Variants in SLC22A23 observed in about 807,000 individuals in gnomAD.
SLC22A23 encodes the protein ion transporter protein.
In SLC22A23, 26 loss-of-function variants were observed where a neutral mutation model predicts 61.0. The observed-to-expected ratio is 0.43, with a 90% CI of 0.31 to 0.59. The LOEUF (loss-of-function observed/expected upper bound fraction) is 0.59. Ranked by LOEUF, SLC22A23 falls within the 20% of genes least tolerant of loss-of-function variation. The pLI is 0.11. For missense variants in SLC22A23, 796 were observed against 934.7 expected, an observed-to-expected ratio of 0.85 and a Z score of 1.94; for synonymous variants, 430 against 413.9, an observed-to-expected ratio of 1.04 and a Z score of -0.47.
intron 1 of SLC22A23, among the ~76,000 whole-genome samples, chr6:3,422,296 ACTT>A (rs755330790): frequency 3.0e-4 from 46 of 152,074 alleles, no homozygotes; most frequent in Non-Finnish European, 4.7e-4. Flanking sequence ...GGTGCTCTGC[ACTT>A]CTTAACTGCA....
intron 1 of SLC22A23, among the ~76,000 whole-genome samples, chr6:3,450,431 C>T (rs1195106211): frequency 6.6e-6 from 1 of 152,114 alleles, no homozygotes; most frequent in Non-Finnish European, 1.5e-5. Context: ...CTCAGCCTCC[C>T]GAGTAGCTGG....
intron 1 of SLC22A23, among the ~76,000 whole-genome samples, chr6:3,452,773 T>C (rs1772218323): frequency 6.6e-6 from 1 of 152,208 alleles, no homozygotes; most frequent in Admixed American, 6.5e-5. Context: ...TTGCAGATTC[T>C]GCGATGCAAA....
intron 4 of SLC22A23, among the ~76,000 whole-genome samples, chr6:3,303,918 G>A (rs909735476): frequency 6.6e-5 from 10 of 152,332 alleles, no homozygotes; most frequent in Middle Eastern, 3.4e-3. Flanking sequence ...TACATTTAAT[G>A]TAGCACAACA....
chr6:3,418,043 T>C (rs1297765225), intron 1 of SLC22A23, among the ~76,000 whole-genome samples: 1 of 152,232 alleles, frequency 6.6e-6, no homozygotes, highest in Non-Finnish European at 1.5e-5. Context: ...GCTTCATAAA[T>C]CACAGTGGGT....
chr6:3,290,151 CAG>C, intron 5 of SLC22A23: 1 of 492,044 alleles, frequency 2.0e-6, no homozygotes, highest in Admixed American at 3.3e-5. Context: ...TGGAACCAGT[CAG>C]AGTGCACACA....
chr6:3,415,424 G>A (rs565001290), intron 2 of SLC22A23, among the ~76,000 whole-genome samples: 33 of 152,156 alleles, frequency 2.2e-4, no homozygotes, highest in Admixed American at 1.2e-3. Context: ...GCCCCTTAGT[G>A]CATCCACCTC....
chr6:3,422,670 G>C (rs1284428153), intron 1 of SLC22A23, among the ~76,000 whole-genome samples: 4 of 152,140 alleles, frequency 2.6e-5, no homozygotes, highest in Admixed American at 2.0e-4. Flanking sequence ...AAGCTTCCTT[G>C]AATGACATAA....
rs1762203528 is a variant in SLC22A23, at chr6:3,309,246, A to C, written c.1083-11028T>G. On this transcript the variant is annotated intron_variant, in intron 4 of 9. Transcript: ENST00000406686. This position sits in a 1 kb window ranked among gnomAD's most constrained non-coding sequence, Gnocchi z 4.7. ...AACCCGGGAGGTTTGCAGTGGACCA[A>C]GGTCGTGCCGCTGCACTCTAGCCTG... Among the ~76,000 whole-genome samples, 1 of 152,146 alleles carries C rather than the reference A, an allele frequency of 6.6e-6. No homozygotes were observed. The highest frequency in any genetic ancestry group is 1.9e-4 in the East Asian group (1 of 5,198).
rs999722610 is a variant in SLC22A23, at chr6:3,283,027, A to C, written c.1703+825T>G. 5.3e-5 allele frequency among the ~76,000 whole-genome samples: 8 copies of C among 152,320 alleles called. No homozygotes were observed. In the South Asian group the frequency reaches 8.3e-4, roughly 16 times the overall value. ...CTGTGCTGCTGTGTTTTCTGGGCCT[A>C]GTGTCTGGCGCGCAGTGGGCTCTCC... On this transcript the variant is annotated intron_variant, in intron 9 of 9. Transcript: ENST00000406686.
intron 3 of SLC22A23, among the ~76,000 whole-genome samples, chr6:3,407,270 CCTAGGCA>C (rs1280526666): frequency 6.6e-6 from 1 of 152,204 alleles, no homozygotes; most frequent in Non-Finnish European, 1.5e-5. Context: ...CCAAGCATTA[CCTAGGCA>C]TAAATACTAC....
At position 3,287,088 on chromosome 6, in the gene SLC22A23, C is replaced by G. The variant is rs1194733490; in HGVS notation, c.1317G>C (p.Leu439=). 1 of 1,614,024 alleles carries G rather than the reference C, an allele frequency of 6.2e-7. No individual in the cohort carries two copies. Among genetic ancestry groups the G allele is most frequent in the Admixed American group, 1.7e-5 (1 of 60,020 alleles). The part of the protein sequence containing the change: ...KNIVVLCVNS[L]TGYGIHHCFA... ...AGCAGTGGTGGATCCCGTACCCCGT[C>G]AGCCTGTGGAGACATACCGAGCGGC... Residue 439 remains leucine (L), a synonymous_variant, in exon 7 of 10, where the codon CTG becomes CTC. Coordinates refer to ENST00000406686, the MANE Select transcript of SLC22A23 (RefSeq NM_015482.2).
chr6:3,415,983 C>A (rs1318562229), intron 1 of SLC22A23, 128 bp from the exon 2 acceptor site: 8 of 618,274 alleles, frequency 1.3e-5, no homozygotes, highest in Non-Finnish European at 2.3e-5. Context: ...GCCATATACA[C>A]CAGTCAGAGT....
At chr6:3,298,266 G>A in intron 4 of SLC22A23, 48 bp from the exon 5 acceptor site, 2 of 1,554,730 alleles carry the variant, frequency 1.3e-6, no homozygotes, top group Non-Finnish European at 1.7e-6. Flanking sequence ...ATTCTGCACG[G>A]CACCGGGAAG....
intron 3 of SLC22A23, among the ~76,000 whole-genome samples, chr6:3,332,118 A>G (rs1435350831): frequency 6.6e-6 from 1 of 152,358 alleles, no homozygotes; most frequent in East Asian, 1.9e-4. Flanking sequence ...GCATGTGGCC[A>G]AACAGCCGAG....
intron 3 of SLC22A23, among the ~76,000 whole-genome samples, chr6:3,401,461 T>C (rs1220954768): frequency 2.0e-5 from 3 of 152,208 alleles, no homozygotes; most frequent in Admixed American, 6.5e-5. Flanking sequence ...ATACTTGGCA[T>C]AGGACAAGAC....
intron 5 of SLC22A23, chr6:3,291,061 GT>G (rs1760542443): frequency 6.6e-6 from 1 of 152,272 alleles, no homozygotes; most frequent in Non-Finnish European, 1.5e-5. Flanking sequence ...AAAGGCTGGG[GT>G]TTGGTGAATG....
chr6:3,273,511 C>CT, intron 9 of SLC22A23, 99 bp from the exon 10 acceptor site: 1 of 1,334,614 alleles, frequency 7.5e-7, no homozygotes, highest in Non-Finnish European at 1.0e-6. Flanking sequence ...TGCAGGGGCC[C>CT]TGCTGCCCTG....
rs1346154861 is a variant in SLC22A23, at chr6:3,271,934, C to G, written c.*1121G>C. ...GGAATCTCCGCTCCCTGCCCGAAGC[C>G]CCACCTCTGTGCTATGCGAGTGACT... is the stretch of plus-strand genomic sequence containing the variant. On this transcript the variant is annotated 3_prime_UTR_variant, in exon 10 of 10. Coordinates refer to ENST00000406686, the MANE Select transcript of SLC22A23 (RefSeq NM_015482.2). 6.6e-6 allele frequency: 1 copy of G among 152,382 alleles called. No individual in the cohort carries two copies. The highest frequency in any genetic ancestry group is 2.4e-5 in the African/African-American group (1 of 41,438). The allele number at this position is 152,382 out of a possible 1,614,324, so 9.4% of individuals were successfully genotyped here.
intron 1 of SLC22A23, among the ~76,000 whole-genome samples, chr6:3,439,077 G>C (rs1439338828): frequency 6.7e-6 from 1 of 149,924 alleles, no homozygotes; most frequent in Non-Finnish European, 1.5e-5. Context: ...GGCCGGATCT[G>C]ACCGGGGTTT....
Sources: allele counts gnomAD v4.1 joint callset (sites outside exome capture counted in the v4.1 genomes callset), GRCh38; gene constraint gnomAD v4.1.1; non-coding constraint Gnocchi (gnomAD v3.1); transcripts MANE v1.5; gene names NCBI Gene and HGNC (gene_info 2026-07-23, HGNC 2026-07-21).